The following INHBB variants were observed in gnomAD, a reference collection of about 807,000 sequenced individuals.
INHBB encodes inhibin beta B chain.
A neutral mutation model predicts 28.9 loss-of-function variants in INHBB; 8 were observed. That is an observed-to-expected ratio of 0.28 (90% CI 0.16 to 0.50). INHBB has a LOEUF of 0.50. Among genes scored for constraint, INHBB ranks in the 20% least tolerant of loss-of-function variants. INHBB has a pLI of 0.98. For missense variants in INHBB, 499 were observed against 597.8 expected, an observed-to-expected ratio of 0.83 and a Z score of 1.72; for synonymous variants, 293 against 262.7, an observed-to-expected ratio of 1.12 and a Z score of -1.12.
At chr2:120,347,787 A>T (rs1321120222) in intron 1 of INHBB, among the ~76,000 whole-genome samples, 2 of 152,240 alleles carry the variant, frequency 1.3e-5, no homozygotes, top group African/African-American at 4.8e-5. Flanking sequence ...GGAGAAAAGC[A>T]GAGACAATCG....
rs1351326645 is a variant in INHBB at position 120,349,082 on chromosome 2, C to T, written c.449-17C>T. The T allele has an allele frequency of 2.5e-6, 4 of 1,583,992 alleles. No homozygotes were observed. Among genetic ancestry groups the T allele is most frequent in the African/African-American group, 1.3e-5 (1 of 74,314 alleles). ...TCTCCTTGAATTAACTTGGCTCGCC[C>T]TTCCCCTTTTCCGCAGATGGCCTCG... On this transcript the variant is annotated splice_polypyrimidine_tract_variant and intron_variant, in intron 1 of 1. Transcript: ENST00000295228. The surrounding 1 kb of genome is among the most constrained non-coding windows in gnomAD (Gnocchi z 5.6).
In INHBB at chr2:120,349,659, C is replaced by T. The variant is rs762495009; in HGVS notation, c.1009C>T (p.Pro337Ser). Residue 337 changes from proline to serine, a missense_variant, in exon 2 of 2, where the codon CCA becomes TCA. Physicochemically the swap from Pro to Ser is moderately conservative, Grantham distance 74. Around this residue, in one of 2 missense-constraint regions of INHBB, gnomAD observed 114 missense variants for 182.6 expected, o/e 0.62. Transcript: ENST00000295228. The surrounding 1 kb of genome is among the most constrained non-coding windows in gnomAD (Gnocchi z 5.6). ...YYGNYCEGSCPAYLAGVPGSA... is the reference protein window; with the variant it reads ...YYGNYCEGSCSAYLAGVPGSA... ...CGGGAACTACTGTGAGGGCAGCTGC[C>T]CAGCCTACCTGGCAGGGGTCCCCGG... 1 of 1,613,714 alleles carries T rather than the reference C, an allele frequency of 6.2e-7. No homozygotes were observed. The highest frequency in any genetic ancestry group is 8.5e-7 in the Non-Finnish European group (1 of 1,180,052).
chr2:120,349,705 CG>C lies in INHBB; in HGVS notation c.1057del (p.Ala353LeufsTer3), dbSNP rs1231506824. On this transcript the variant is annotated frameshift_variant, in exon 2 of 2. Coordinates refer to ENST00000295228, the MANE Select transcript of INHBB (RefSeq NM_002193.4). LOFTEE classifies it high-confidence loss of function. The surrounding 1 kb of genome is among the most constrained non-coding windows in gnomAD (Gnocchi z 5.6). The part of the protein sequence containing the change: ...GVPGSASSFH[T>X]AVVNQYRMRG... ...CCCGGCTCTGCCTCCTCCTTCCACA[CG>C]GCTGTGGTGAACCAGTACCGCATGC... 6.2e-7 allele frequency: 1 copy of C among 1,613,752 alleles called. No homozygotes were observed. The highest frequency in any genetic ancestry group is 8.5e-7 in the Non-Finnish European group (1 of 1,180,052).
chr2:120,347,334 G>C (rs1182028801), intron 1 of INHBB, among the ~76,000 whole-genome samples: 1 of 151,864 alleles, frequency 6.6e-6, no homozygotes, highest in Non-Finnish European at 1.5e-5. Flanking sequence ...AGCTGCAGCA[G>C]ACCCCTCGCC....
At chr2:120,348,060 T>C (rs1454495508) in intron 1 of INHBB, among the ~76,000 whole-genome samples, 1 of 152,078 alleles carries the variant, frequency 6.6e-6, no homozygotes, top group East Asian at 1.9e-4. Flanking sequence ...AGGCAGCTCG[T>C]CCAAGACCAG....
intron 1 of INHBB, among the ~76,000 whole-genome samples, chr2:120,347,400 C>CG (rs1691177394): frequency 6.7e-6 from 1 of 148,848 alleles, no homozygotes; most frequent in African/African-American, 2.4e-5. Context: ...AATCCGCCCC[C>CG]CCCCCCGGCC....
In INHBB at chr2:120,346,291, A is replaced by C. The variant is rs1200849451; in HGVS notation, c.103A>C (p.Thr35Pro). 7 of 1,371,472 alleles carry C rather than the reference A, an allele frequency of 5.1e-6. No homozygotes were observed. The highest frequency in any genetic ancestry group is 1.5e-5 in the African/African-American group (1 of 64,670). The allele number at this position is 1,371,472 out of a possible 1,614,324, so 85.0% of individuals were successfully genotyped here. A position where few individuals can be genotyped will look rare whatever the true frequency, so the allele number is the denominator to read the frequency against. ...CTGGGGCTCACCCACGCCCCCGCCG[A>C]CGCCTGCCGCGCCGCCGCCACCCCC... ...EAWGSPTPPP[T>P]PAAPPPPPPP... The change falls in exon 1 of 2, where the codon ACG (threonine) becomes CCG (proline). Residue 35 changes from threonine (T) to proline (P), a missense_variant. Transcript: ENST00000295228.
Position 120,349,143 on chromosome 2 carries a change from A to G in INHBB, c.493A>G (p.Asn165Asp). ...GGTCCGCCTATACTTCTTCATCTCC[A>G]ACGAAGGCAACCAGAACCTGTTTGT... ...SRVRLYFFIS[N>D]EGNQNLFVVQ... is the part of the protein sequence containing the mutation. Residue 165 changes from asparagine to aspartate, a missense_variant, in exon 2 of 2, where the codon AAC becomes GAC. Physicochemically the swap from Asn to Asp is conservative, Grantham distance 23. Transcript: ENST00000295228. This position sits in a 1 kb window ranked among gnomAD's most constrained non-coding sequence, Gnocchi z 5.6. The G allele has an allele frequency of 6.2e-7, 1 of 1,612,892 alleles. No homozygotes were observed. The highest frequency in any genetic ancestry group is 8.5e-7 in the Non-Finnish European group (1 of 1,179,200).
chr2:120,349,815 TACA>T lies in INHBB; in HGVS notation c.1169_1171del (p.Asn390del). On this transcript the variant is annotated inframe_deletion, in exon 2 of 2. Coordinates refer to ENST00000295228, the MANE Select transcript of INHBB (RefSeq NM_002193.4). The surrounding 1 kb of genome is among the most constrained non-coding windows in gnomAD (Gnocchi z 5.6). ...GTCCATGCTGTACTTCGATGATGAGTACAACATCGTCAAGCGGGACGTGCCCAA... is the reference window on the plus strand; with the variant it reads ...GTCCATGCTGTACTTCGATGATGAGTACATCGTCAAGCGGGACGTGCCCAA... The T allele has an allele frequency of 6.2e-7, 1 of 1,613,064 alleles. No individual in the cohort carries two copies. Among genetic ancestry groups the T allele is most frequent in the Non-Finnish European group, 8.5e-7 (1 of 1,179,970 alleles).
Position 120,349,418 on chromosome 2 carries a change from G to A in INHBB, c.768G>A (p.Gln256=). The A allele has an allele frequency of 6.2e-7, 1 of 1,613,792 alleles. No individual in the cohort carries two copies. Among genetic ancestry groups the A allele is most frequent in the Non-Finnish European group, 8.5e-7 (1 of 1,180,040 alleles). Residue 256 remains glutamine, a synonymous_variant, in exon 2 of 2, where the codon CAG becomes CAA. Coordinates refer to ENST00000295228, the MANE Select transcript of INHBB (RefSeq NM_002193.4). The surrounding 1 kb of genome is among the most constrained non-coding windows in gnomAD (Gnocchi z 5.6). Reference sequence around the variant, plus strand: ...TAGACGTGCAGTGTGACAGCTGCCAGGAGCTGGCCGTGGTGCCGGTGTTCG... The same window carrying A: ...TAGACGTGCAGTGTGACAGCTGCCAAGAGCTGGCCGTGGTGCCGGTGTTCG... The part of the protein sequence containing the change: ...LNLDVQCDSC[Q]ELAVVPVFVD...
chr2:120,347,404 C>A (rs113214629), intron 1 of INHBB, among the ~76,000 whole-genome samples: 5 of 150,718 alleles, frequency 3.3e-5, no homozygotes, highest in South Asian at 2.1e-4. Context: ...CGCCCCCCCC[C>A]CCGGCCCCAG....
Position 120,346,593 on chromosome 2 carries a change from C to A in INHBB, c.405C>A (p.Asp135Glu). The A allele has an allele frequency of 6.9e-7, 1 of 1,453,248 alleles. No homozygotes were observed. The highest frequency in any genetic ancestry group is 1.4e-5 in the South Asian group (1 of 70,306). The allele number at this position is 1,453,248 out of a possible 1,614,324, so 90.0% of individuals were successfully genotyped here. A position where few individuals can be genotyped will look rare whatever the true frequency, so the allele number is the denominator to read the frequency against. Residue 135 changes from aspartate to glutamate, a missense_variant, in exon 1 of 2, where the codon GAC (aspartate) becomes GAA (glutamate). By Grantham distance (45) the Asp-to-Glu change is conservative. Transcript: ENST00000295228. ...HLDGHASPGA[D>E]GQERVSEIIS... ...ACGGCCACGCCAGCCCGGGCGCCGACGGCCAGGAGCGCGTTTCCGAAATCA... is the reference window on the plus strand; with the variant it reads ...ACGGCCACGCCAGCCCGGGCGCCGAAGGCCAGGAGCGCGTTTCCGAAATCA...
chr2:120,348,092 C>T (rs1691192742), intron 1 of INHBB, among the ~76,000 whole-genome samples: 1 of 152,050 alleles, frequency 6.6e-6, no homozygotes, highest in Non-Finnish European at 1.5e-5. Flanking sequence ...GCAGTTTCCC[C>T]CATTTCAAAG....
intron 1 of INHBB, 48 bp downstream of exon 1, chr2:120,346,684 C>G: frequency 1.5e-6 from 2 of 1,374,924 alleles, no homozygotes; most frequent in Admixed American, 7.2e-5. Flanking sequence ...CTCGCTCCCG[C>G]TCTCCCTCTC....
chr2:120,349,492 G>C lies in INHBB; in HGVS notation c.842G>C (p.Arg281Pro). ...CGGCCCTTTGTGGTGGTGCAGGCTCGGCTGGGCGACAGCAGGCACCGCATT... is the reference window on the plus strand; with the variant it reads ...CGGCCCTTTGTGGTGGTGCAGGCTCCGCTGGGCGACAGCAGGCACCGCATT... ...SHRPFVVVQARLGDSRHRIRK... is the reference protein window; with the variant it reads ...SHRPFVVVQAPLGDSRHRIRK... The change falls in exon 2 of 2, where the codon CGG (arginine) becomes CCG (proline). Residue 281 changes from arginine (R) to proline (P), a missense_variant. By Grantham distance (103) the Arg-to-Pro change is moderately radical. Coordinates refer to ENST00000295228, the MANE Select transcript of INHBB (RefSeq NM_002193.4). This position sits in a 1 kb window ranked among gnomAD's most constrained non-coding sequence, Gnocchi z 5.6. 6.2e-7 allele frequency: 1 copy of C among 1,613,438 alleles called. No homozygotes were observed. Among genetic ancestry groups the C allele is most frequent in the Non-Finnish European group, 8.5e-7 (1 of 1,179,962 alleles).
In INHBB at chr2:120,349,242, C is replaced by G. The variant is rs770722399; in HGVS notation, c.592C>G (p.Arg198Gly). The G allele has an allele frequency of 3.1e-6, 5 of 1,614,160 alleles. 1 individual carries two copies. In the South Asian group the frequency reaches 4.4e-5, roughly 14 times the overall value. The change falls in exon 2 of 2, where the codon CGG (arginine) becomes GGG (glycine). Residue 198 changes from arginine (R) to glycine (G), a missense_variant. Coordinates refer to ENST00000295228, the MANE Select transcript of INHBB (RefSeq NM_002193.4). This position sits in a 1 kb window ranked among gnomAD's most constrained non-coding sequence, Gnocchi z 5.6. ...GGAGAAGGGCAGCCGGCGGAAGGTG[C>G]GGGTCAAAGTGTACTTCCAGGAGCA... ...VLEKGSRRKVRVKVYFQEQGH... is the reference protein window; with the variant it reads ...VLEKGSRRKVGVKVYFQEQGH...
chr2:120,347,052 A>G (rs963065832), intron 1 of INHBB, among the ~76,000 whole-genome samples: 2 of 152,184 alleles, frequency 1.3e-5, no homozygotes, highest in African/African-American at 4.8e-5. Flanking sequence ...TTGTTGATAT[A>G]CGTGGGCCGG....
In INHBB at chr2:120,349,448, C is replaced by T. The variant is rs763648208; in HGVS notation, c.798C>T (p.Asp266=). The T allele has an allele frequency of 3.1e-6, 5 of 1,613,708 alleles. No homozygotes were observed. The Admixed American group carries it at 8.3e-5, about 27-fold the overall frequency. ...TGGCCGTGGTGCCGGTGTTCGTGGA[C>T]CCAGGCGAAGAGTCGCACCGGCCCT... ...QELAVVPVFV[D]PGEESHRPFV... is the part of the protein sequence containing the mutation. The change falls in exon 2 of 2, where the codon GAC becomes GAT. Residue 266 remains aspartate, a synonymous_variant. Transcript: ENST00000295228. The surrounding 1 kb of genome is among the most constrained non-coding windows in gnomAD (Gnocchi z 5.6).
chr2:120,347,831 C>G (rs1691188626), intron 1 of INHBB, among the ~76,000 whole-genome samples: 1 of 152,154 alleles, frequency 6.6e-6, no homozygotes, highest in South Asian at 2.1e-4. Flanking sequence ...AATGCATTGC[C>G]GTTTTAGCTG....
Sources: allele counts gnomAD v4.1 joint callset (sites outside exome capture counted in the v4.1 genomes callset), GRCh38; gene constraint gnomAD v4.1.1; regional missense constraint gnomAD v4.1.1; non-coding constraint Gnocchi (gnomAD v3.1); transcripts MANE v1.5; gene names NCBI Gene and HGNC (gene_info 2026-07-23, HGNC 2026-07-21).